Variants in MMP28 observed in about 807,000 individuals in gnomAD.
MMP28 encodes the protein matrix metallopeptidase 28.
A neutral mutation model predicts 60.5 loss-of-function variants in MMP28; 55 were observed. The observed-to-expected ratio is 0.91, with a 90% CI of 0.73 to 1.14. MMP28 has a LOEUF of 1.14. Ranked by LOEUF, MMP28 falls within the 50% of genes most tolerant of loss-of-function variation. The probability of loss-of-function intolerance (pLI) is 0.00; values close to 1 mark genes in which losing one functional copy is unlikely to be tolerated. For synonymous variants in MMP28, 318 were observed against 312.5 expected (o/e 1.02, Z -0.18); for missense variants, 686 against 738.3 (o/e 0.93, Z 0.82).
intron 4 of MMP28, 148 bp downstream of exon 4, chr17:35,773,032 T>G: frequency 3.0e-6 from 2 of 666,748 alleles, no homozygotes; most frequent in Non-Finnish European, 5.1e-6. Context: ...TGTTCCCATT[T>G]TAGGATGAGG....
downstream of MMP28, chr17:35,764,229 C>T (rs782800897): frequency 1.0e-5 from 16 of 1,544,294 alleles, no homozygotes; most frequent in African/African-American, 1.4e-5. Context: ...GAGTCCAGCA[C>T]CCAGCAGGTG....
chr17:35,784,361 ATG>A (rs1555610036), intron 1 of MMP28, among the ~76,000 whole-genome samples: 1 of 142,054 alleles, frequency 7.0e-6, no homozygotes, highest in African/African-American at 3.1e-5. Flanking sequence ...TATGCTTAAC[ATG>A]TGTATATTCA....
chr17:35,769,139 A>G (rs894474843), intron 5 of MMP28, among the ~76,000 whole-genome samples: 13 of 152,122 alleles, frequency 8.5e-5, no homozygotes, highest in East Asian at 5.8e-4. Flanking sequence ...CCAGTCTGCA[A>G]TTTCCTAGCT....
At chr17:35,771,495 C>T (rs892430545) in intron 4 of MMP28, among the ~76,000 whole-genome samples, 3 of 147,786 alleles carry the variant, frequency 2.0e-5, no homozygotes, top group South Asian at 4.3e-4. Flanking sequence ...AGTATAGTTA[C>T]CCCTAAAAGG....
At chr17:35,779,348 T>A in intron 1 of MMP28, 25 bp from the exon 2 acceptor site, 1 of 1,590,920 alleles carries the variant, frequency 6.3e-7, no homozygotes. Flanking sequence ...AATATCTGCT[T>A]TTTCCATAGC....
At chr17:35,762,811 C>A (rs2085847350), downstream of MMP28, among the ~76,000 whole-genome samples, 1 of 152,054 alleles carries the variant, frequency 6.6e-6, no homozygotes, top group Non-Finnish European at 1.5e-5. Context: ...ATAAAATATT[C>A]TGTAAATAAC....
downstream of MMP28, among the ~76,000 whole-genome samples, chr17:35,762,459 G>T (rs1039357651): frequency 1.3e-5 from 2 of 152,196 alleles, no homozygotes; most frequent in Non-Finnish European, 2.9e-5. Flanking sequence ...GGGGAGGCCA[G>T]CTTAGTTTCC....
chr17:35,782,378 A>G (rs984378627), intron 1 of MMP28, among the ~76,000 whole-genome samples: 2 of 152,098 alleles, frequency 1.3e-5, no homozygotes, highest in African/African-American at 2.4e-5. Flanking sequence ...TCTTAACTCA[A>G]AATAATTCCA....
At chr17:35,774,730 C>A (rs2086274033) in intron 3 of MMP28, among the ~76,000 whole-genome samples, 1 of 152,212 alleles carries the variant, frequency 6.6e-6, no homozygotes, top group African/African-American at 2.4e-5. Flanking sequence ...GGCAGCCACC[C>A]AACCTCTGCC....
chr17:35,761,644 G>A (rs913274313), downstream of MMP28, among the ~76,000 whole-genome samples: 5 of 152,122 alleles, frequency 3.3e-5, no homozygotes, highest in Admixed American at 2.6e-4. Flanking sequence ...TGTCTTCTCC[G>A]GCCTGGACCA....
At chr17:35,759,262 C>CT (rs2085774747) in intron 2 of MMP28, among the ~76,000 whole-genome samples, 2 of 152,178 alleles carry the variant, frequency 1.3e-5, no homozygotes, top group South Asian at 4.1e-4. Context: ...GACAATTCTC[C>CT]TTGAGCCTTT....
chr17:35,776,232 C>T (rs934906599), intron 3 of MMP28, among the ~76,000 whole-genome samples: 10 of 150,584 alleles, frequency 6.6e-5, no homozygotes, highest in Non-Finnish European at 8.9e-5. Flanking sequence ...AGTGCAGTGG[C>T]GCGATTTTGG....
At chr17:35,794,231 T>C (rs1452734060) in intron 1 of MMP28, among the ~76,000 whole-genome samples, 1 of 151,088 alleles carries the variant, frequency 6.6e-6, no homozygotes, top group East Asian at 2.0e-4. Context: ...GATACTGTTG[T>C]GTTATTACAA....
intron 5 of MMP28, among the ~76,000 whole-genome samples, chr17:35,769,479 C>G (rs1474198738): frequency 6.6e-6 from 1 of 152,204 alleles, no homozygotes; most frequent in Non-Finnish European, 1.5e-5. Flanking sequence ...GGCCTCCTGG[C>G]TCTGCCCATG....
rs75582397 is a variant in MMP28 at position 35,766,453 on chromosome 17, G to A, written c.*47C>T. 39,271 of 1,512,324 alleles carry A rather than the reference G, an allele frequency of 0.026. 773 individuals are homozygous for A. The highest frequency in any genetic ancestry group is 0.12 in the East Asian group (5,225 of 41,958). 93.7% of individuals were successfully genotyped at this position (1,512,324 alleles called of 1,614,324 possible). On this transcript the variant is annotated 3_prime_UTR_variant, in exon 8 of 8. Coordinates refer to ENST00000605424, the MANE Select transcript of MMP28 (RefSeq NM_024302.5). This position sits in a 1 kb window ranked among gnomAD's most constrained non-coding sequence, Gnocchi z 4.3. ...GTTCTGCCCCGGGGGTGGGGAACAT[G>A]ATTTTGCCCTGAGAGCACCACCAGT...
At chr17:35,776,710 A>G (rs772472858) in intron 3 of MMP28, among the ~76,000 whole-genome samples, 3 of 151,206 alleles carry the variant, frequency 2.0e-5, no homozygotes, top group Non-Finnish European at 4.4e-5. Context: ...ACATGGTGAA[A>G]CCCGTTTCTA....
rs185731804 is a variant in MMP28, at chr17:35,784,360, C to T, written c.112-5037G>A. ...GGCTCCCTTATACTTTTATGCTTAA[C>T]ATGTGTATATTCAAAAAAATTTAAA... On this transcript the variant is annotated intron_variant, in intron 1 of 7. Transcript: ENST00000605424. Among the ~76,000 whole-genome samples, 1,173 of 151,540 alleles carry T rather than the reference C, an allele frequency of 7.7e-3. 14 individuals carry two copies. The highest frequency in any genetic ancestry group is 0.027 in the African/African-American group (1,104 of 41,226).
At chr17:35,773,155 C>A (rs750672707) in intron 4 of MMP28, 25 bp downstream of exon 4, 6 of 1,605,698 alleles carry the variant, frequency 3.7e-6, no homozygotes, top group South Asian at 2.2e-5. Context: ...TCCTGCTGTG[C>A]GGGAGGGAGG....
At chr17:35,764,683 C>G (rs1454128071), downstream of MMP28, 2 of 1,483,688 alleles carry the variant, frequency 1.3e-6, no homozygotes, top group African/African-American at 3.0e-5. Context: ...TACCGACCTT[C>G]TCTCTTGGAG....
Sources: gnomAD v4.1 joint callset for allele counts (sites outside exome capture counted in the v4.1 genomes callset) on GRCh38, gnomAD v4.1.1 for gene constraint, Gnocchi (gnomAD v3.1) non-coding constraint, MANE v1.5 for transcripts, NCBI Gene and HGNC (gene_info 2026-07-23, HGNC 2026-07-21) for gene names.